The following LIMD1 variants were observed in gnomAD, a reference collection of about 807,000 sequenced individuals.
The protein encoded by LIMD1 is LIM domain containing 1.
A neutral mutation model predicts 58.4 loss-of-function variants in LIMD1; 23 were observed. That is an observed-to-expected ratio of 0.39 (90% CI 0.28 to 0.56). The LOEUF is 0.56. Among genes scored for constraint, LIMD1 ranks in the 20% least tolerant of loss-of-function variants. The pLI is 0.57. For synonymous variants in LIMD1, 334 were observed against 345.5 expected (o/e 0.97, Z 0.37); for missense variants, 838 against 855.5 (o/e 0.98, Z 0.25).
At chr3:45,621,694 G>A (rs1701629421) in intron 1 of LIMD1, among the ~76,000 whole-genome samples, 1 of 152,074 alleles carries the variant, frequency 6.6e-6, no homozygotes. Flanking sequence ...TTGATGAGTA[G>A]TTTTGTACAT....
intron 2 of LIMD1, among the ~76,000 whole-genome samples, chr3:45,655,340 C>T (rs193282383): frequency 6.6e-6 from 1 of 152,294 alleles, no homozygotes; most frequent in Non-Finnish European, 1.5e-5. Context: ...CGATCATCAG[C>T]TATTTCCTAG....
At chr3:45,633,407 C>A (rs562666354) in intron 1 of LIMD1, among the ~76,000 whole-genome samples, 1 of 152,032 alleles carries the variant, frequency 6.6e-6, no homozygotes, top group Admixed American at 6.6e-5. Flanking sequence ...GAATTTTACC[C>A]GGAAAAAAAT....
rs1697803076 is a variant in LIMD1, at chr3:45,685,911, T to TCC, written c.*8854_*8855dup. 6.6e-6 allele frequency: 1 copy of TCC among 152,182 alleles called. No individual in the cohort carries two copies. Among genetic ancestry groups the TCC allele is most frequent in the South Asian group, 2.1e-4 (1 of 4,822 alleles). 9.4% of individuals were successfully genotyped at this position (152,182 alleles called of 1,614,324 possible). A position where few individuals can be genotyped will look rare whatever the true frequency, so the allele number is the denominator to read the frequency against. ...GCCTTGTTTCCACCTGAATTGACTC[T>TCC]CCCTTAGCTAAGACAGCCAGACAGA... On this transcript the variant is annotated 3_prime_UTR_variant, in exon 8 of 8. Coordinates refer to ENST00000273317, the MANE Select transcript of LIMD1 (RefSeq NM_014240.3).
intron 1 of LIMD1, among the ~76,000 whole-genome samples, chr3:45,607,627 C>G (rs1195024519): frequency 1.3e-5 from 2 of 152,064 alleles, no homozygotes; most frequent in Non-Finnish European, 2.9e-5. Context: ...CTCCCTGCAG[C>G]TAGTTCTGGA....
intron 1 of LIMD1, among the ~76,000 whole-genome samples, chr3:45,611,482 T>C (rs551543229): frequency 8.5e-5 from 13 of 152,336 alleles, no homozygotes; most frequent in African/African-American, 2.9e-4. Context: ...CCCAAAGAGA[T>C]GGCCCATCCC....
rs1304344917 is a variant in LIMD1, at chr3:45,609,486, G to T, written c.1408+13199G>T. On this transcript the variant is annotated intron_variant, in intron 1 of 7. Transcript: ENST00000273317. ...AGCCTCCCAGGTAGCTGGGATACAGGCATGTGCCACCGCGCCTGGCTCTGA... is the reference window on the plus strand; with the variant it reads ...AGCCTCCCAGGTAGCTGGGATACAGTCATGTGCCACCGCGCCTGGCTCTGA... 9.2e-5 allele frequency among the ~76,000 whole-genome samples: 14 copies of T among 152,182 alleles called. No individual in the cohort carries two copies. In the East Asian group the frequency reaches 2.7e-3, roughly 29 times the overall value.
chr3:45,677,021 A>G lies in LIMD1; in HGVS notation c.1993A>G (p.Arg665Gly), dbSNP rs1349476225. 2.5e-6 allele frequency: 4 copies of G among 1,614,032 alleles called. No homozygotes were observed. In the East Asian group the frequency reaches 8.9e-5, roughly 36 times the overall value. Residue 665 changes from arginine to glycine, a missense_variant, in exon 8 of 8, where the codon AGA (arginine) becomes GGA (glycine). Coordinates refer to ENST00000273317, the MANE Select transcript of LIMD1 (RefSeq NM_014240.3). ...CTGCCACGTGAAGAGGCTGGAGAAGAGACCCTCATCTACAGCCCTTCACCA... is the reference window on the plus strand; with the variant it reads ...CTGCCACGTGAAGAGGCTGGAGAAGGGACCCTCATCTACAGCCCTTCACCA... ...HSCHVKRLEK[R>G]PSSTALHQHH...
intron 2 of LIMD1, among the ~76,000 whole-genome samples, chr3:45,653,726 A>G (rs544632888): frequency 6.6e-6 from 1 of 152,236 alleles, no homozygotes; most frequent in East Asian, 1.9e-4. Flanking sequence ...CCTGGCCAAC[A>G]TGGTGAAACC....
intron 2 of LIMD1, among the ~76,000 whole-genome samples, chr3:45,658,890 C>A (rs993184099): frequency 6.6e-6 from 1 of 152,110 alleles, no homozygotes; most frequent in Middle Eastern, 3.2e-3. Context: ...CACTCAGAGG[C>A]GTTGCCACTC....
intron 1 of LIMD1, among the ~76,000 whole-genome samples, chr3:45,605,131 A>G (rs1230933126): frequency 1.3e-5 from 2 of 152,238 alleles, no homozygotes; most frequent in African/African-American, 2.4e-5. Context: ...CTCTAGCTCT[A>G]TTGAGCCAAG....
rs11348607 is a variant in LIMD1, at chr3:45,656,456, G to GA, written c.1511-9180dup. 5.4e-3 allele frequency among the ~76,000 whole-genome samples: 594 copies of GA among 110,004 alleles called. 2 individuals carry two copies. The highest frequency in any genetic ancestry group is 0.011 in the African/African-American group (332 of 30,582). The allele number at this position is 110,004 out of a possible 152,430, so 72.2% of individuals were successfully genotyped here. ...CTCTTTAGCTTTTGTTTCTCCATCA[G>GA]AAAAAAAAAAAAAAGCATCAGTAAC... On this transcript the variant is annotated intron_variant, in intron 2 of 7. Coordinates refer to ENST00000273317, the MANE Select transcript of LIMD1 (RefSeq NM_014240.3).
At position 45,595,900 on chromosome 3, in the gene LIMD1, C is replaced by T. The variant is rs896057068; in HGVS notation, c.1021C>T (p.Pro341Ser). The T allele has an allele frequency of 2.5e-6, 4 of 1,614,166 alleles. No individual in the cohort carries two copies. The African/African-American group carries it at 4.0e-5, about 16-fold the overall frequency. Residue 341 changes from proline (P) to serine (S), a missense_variant, in exon 1 of 8, where the codon CCC becomes TCC. Pro to Ser is a moderately conservative substitution (Grantham distance 74, BLOSUM62 -1). Coordinates refer to ENST00000273317, the MANE Select transcript of LIMD1 (RefSeq NM_014240.3). The part of the protein sequence containing the change: ...VDPQPWFQDG[P>S]KSYLSSSAPS... The stretch of plus-strand genomic sequence containing the variant: ...CCCCCAACCCTGGTTCCAGGATGGG[C>T]CCAAATCTTACCTTTCCAGTTCTGC...
At chr3:45,664,417 T>C (rs568168852) in intron 2 of LIMD1, among the ~76,000 whole-genome samples, 11 of 152,324 alleles carry the variant, frequency 7.2e-5, no homozygotes, top group African/African-American at 2.6e-4. Context: ...TTGCCAAAGC[T>C]TCCCCTCCAA....
intron 7 of LIMD1, among the ~76,000 whole-genome samples, chr3:45,675,801 G>T (rs943015382): frequency 6.6e-6 from 1 of 152,158 alleles, no homozygotes; most frequent in Non-Finnish European, 1.5e-5. Context: ...GAGCCCAGGA[G>T]TTTGAGAACA....
chr3:45,673,316 C>T (rs931034916), intron 5 of LIMD1, 138 bp from the exon 6 acceptor site: 3 of 704,124 alleles, frequency 4.3e-6, no homozygotes, highest in Non-Finnish European at 7.7e-6. Context: ...GAGCCAGGTA[C>T]CAGTCATTCT....
intron 1 of LIMD1, among the ~76,000 whole-genome samples, chr3:45,624,702 G>A (rs1004193065): frequency 2.6e-5 from 4 of 152,020 alleles, no homozygotes; most frequent in Non-Finnish European, 4.4e-5. Flanking sequence ...CAGCCTGGGC[G>A]ACAGAGCGAG....
intron 1 of LIMD1, among the ~76,000 whole-genome samples, chr3:45,634,723 G>A (rs1019013758): frequency 6.6e-6 from 1 of 152,188 alleles, no homozygotes; most frequent in South Asian, 2.1e-4. Context: ...TAGACCAGGT[G>A]TCCCAATAAG....
intron 4 of LIMD1, 121 bp from the exon 5 acceptor site, chr3:45,672,569 C>T (rs1697600443): frequency 1.1e-5 from 12 of 1,129,054 alleles, no homozygotes; most frequent in South Asian, 5.8e-5. Flanking sequence ...AGGTGAAACT[C>T]GGGGGTAAGT....
chr3:45,637,520 C>T (rs1473150660), intron 2 of LIMD1, among the ~76,000 whole-genome samples: 1 of 152,180 alleles, frequency 6.6e-6, no homozygotes, highest in Non-Finnish European at 1.5e-5. Context: ...ACCTTGTGAT[C>T]CACCCACCTC....
Sources: gnomAD v4.1 joint callset for allele counts (sites outside exome capture counted in the v4.1 genomes callset) on GRCh38, gnomAD v4.1.1 for gene constraint, MANE v1.5 for transcripts, NCBI Gene and HGNC (gene_info 2026-07-23, HGNC 2026-07-21) for gene names.